The following EPHA7 variants were observed in gnomAD, a reference collection of about 807,000 sequenced individuals.
EPHA7 encodes ephrin type-A receptor 7.
A neutral mutation model predicts 112.6 loss-of-function variants in EPHA7; 25 were observed. The ratio of observed to expected loss-of-function variants is 0.22; its 90% CI spans 0.16 to 0.31. EPHA7 has a LOEUF of 0.31. EPHA7 is among the 10% of genes least tolerant of loss of function. The pLI is 1.00. For missense variants in EPHA7, 962 were observed against 1,212.6 expected (o/e 0.79, Z 3.07); for synonymous variants, 437 against 406.5 (o/e 1.07, Z -0.90).
intron 3 of EPHA7, among the ~76,000 whole-genome samples, chr6:93,383,193 G>A (rs998214390): frequency 2.0e-5 from 3 of 151,514 alleles, no homozygotes; most frequent in Non-Finnish European, 4.4e-5. Context: ...GTGTGTGTGT[G>A]TGTATATATA....
At chr6:93,321,777 G>A (rs1313907000) in intron 5 of EPHA7, among the ~76,000 whole-genome samples, 3 of 151,746 alleles carry the variant, frequency 2.0e-5, no homozygotes, top group African/African-American at 7.3e-5. Context: ...CAGTTTTACA[G>A]GAATTTGTTA....
chr6:93,340,626 C>T (rs147888029), intron 5 of EPHA7, among the ~76,000 whole-genome samples: 5 of 151,922 alleles, frequency 3.3e-5, no homozygotes, highest in African/African-American at 1.2e-4. Context: ...ATAAGGGACA[C>T]TCAACCTGTA....
chr6:93,304,965 C>T (rs1325600057), intron 5 of EPHA7, among the ~76,000 whole-genome samples: 1 of 152,044 alleles, frequency 6.6e-6, no homozygotes, highest in Non-Finnish European at 1.5e-5. Context: ...TCAACCCCTG[C>T]CTCACCACCC....
At chr6:93,418,526 C>T (rs1233331571) in intron 1 of EPHA7, among the ~76,000 whole-genome samples, 1 of 152,232 alleles carries the variant, frequency 6.6e-6, no homozygotes, top group East Asian at 1.9e-4. Flanking sequence ...ACGGCCCGAC[C>T]AAGCCCGCTG....
rs1184300105 is a variant in EPHA7 at position 93,345,916 on chromosome 6, A to G, written c.1324+10801T>C. On this transcript the variant is annotated intron_variant, in intron 5 of 16. Transcript: ENST00000369303. ...GTCTGGATCAAATTTGCTTCAATTC[A>G]TCACCAACGAAGCAAGGGATAAAAT... 2.0e-5 allele frequency among the ~76,000 whole-genome samples: 3 copies of G among 151,608 alleles called. No individual in the cohort carries two copies. In the Admixed American group the frequency reaches 2.0e-4, roughly 10 times the overall value.
intron 5 of EPHA7, among the ~76,000 whole-genome samples, chr6:93,282,024 T>A (rs192992328): frequency 6.6e-6 from 1 of 152,102 alleles, no homozygotes; most frequent in African/African-American, 2.4e-5. Context: ...TGTGCTTAAG[T>A]AAGCTTATTA....
At chr6:93,400,619 C>G (rs1778393892) in intron 3 of EPHA7, among the ~76,000 whole-genome samples, 1 of 152,034 alleles carries the variant, frequency 6.6e-6, no homozygotes, top group Non-Finnish European at 1.5e-5. Context: ...CTCACTGTGA[C>G]CTCAACCTCC....
At chr6:93,406,319 A>T (rs1778719170) in intron 3 of EPHA7, among the ~76,000 whole-genome samples, 1 of 151,792 alleles carries the variant, frequency 6.6e-6, no homozygotes, top group Admixed American at 6.6e-5. Context: ...AATTTTTTAC[A>T]AGTAGGATTA....
intron 5 of EPHA7, among the ~76,000 whole-genome samples, chr6:93,272,852 C>A (rs1396640118): frequency 6.6e-6 from 1 of 151,860 alleles, no homozygotes; most frequent in East Asian, 1.9e-4. Context: ...TATGAAATGG[C>A]TACTTTGATC....
chr6:93,305,970 A>G (rs900196318), intron 5 of EPHA7, among the ~76,000 whole-genome samples: 2 of 151,962 alleles, frequency 1.3e-5, no homozygotes, highest in African/African-American at 4.8e-5. Context: ...AATGGATATC[A>G]TAATAAAATA....
rs140408299 is a variant in EPHA7, at chr6:93,368,272, A to G, written c.833-9861T>C. The stretch of plus-strand genomic sequence containing the variant: ...TTTACAGCATGCCCAATTATCTCCT[A>G]TTTCAGAGGTGACTATAAATTCTGA... On this transcript the variant is annotated intron_variant, in intron 3 of 16. Transcript: ENST00000369303. 5.8e-4 allele frequency among the ~76,000 whole-genome samples: 88 copies of G among 152,206 alleles called. 1 individual carries two copies. The highest frequency in any genetic ancestry group is 1.9e-3 in the African/African-American group (79 of 41,540).
At chr6:93,330,680 T>C (rs1774548873) in intron 5 of EPHA7, among the ~76,000 whole-genome samples, 1 of 151,336 alleles carries the variant, frequency 6.6e-6, no homozygotes, top group Non-Finnish European at 1.5e-5. Flanking sequence ...AAAAATCTAT[T>C]GACCTGTTGA....
intron 3 of EPHA7, among the ~76,000 whole-genome samples, chr6:93,376,819 T>A (rs1025620386): frequency 1.1e-4 from 16 of 152,130 alleles, no homozygotes; most frequent in African/African-American, 3.1e-4. Context: ...AAAACATAAA[T>A]TAATTGTCTT....
chr6:93,323,497 A>G (rs181215369), intron 5 of EPHA7, among the ~76,000 whole-genome samples: 1 of 151,654 alleles, frequency 6.6e-6, no homozygotes, highest in African/African-American at 2.4e-5. Flanking sequence ...TTGTACACGT[A>G]CAAATATATA....
At chr6:93,388,817 TA>T (rs1777760290) in intron 3 of EPHA7, among the ~76,000 whole-genome samples, 1 of 152,028 alleles carries the variant, frequency 6.6e-6, no homozygotes, top group African/African-American at 2.4e-5. Context: ...CAAAGGTAAG[TA>T]AAAAAAGGAT....
intron 5 of EPHA7, among the ~76,000 whole-genome samples, chr6:93,296,479 T>TACAC (rs202196550): frequency 2.3e-4 from 33 of 145,800 alleles, no homozygotes; most frequent in Admixed American, 1.7e-3. Context: ...ATATATATAA[T>TACAC]ACACACACAC....
chr6:93,325,871 G>T (rs2127892766), intron 5 of EPHA7, among the ~76,000 whole-genome samples: 1 of 151,358 alleles, frequency 6.6e-6, no homozygotes. Flanking sequence ...AAGAAAAATG[G>T]TTATCATCAA....
chr6:93,348,268 T>C lies in EPHA7; in HGVS notation c.1324+8449A>G, dbSNP rs79867408. Among the ~76,000 whole-genome samples, 39 of 151,852 alleles carry C rather than the reference T, an allele frequency of 2.6e-4. No homozygotes were observed. In the East Asian group the frequency reaches 6.8e-3, roughly 26 times the overall value. ...TTAATTGAGAAGAGTCATGGCACAG[T>C]GATGTGCTGTAGCCTTAAAGCTGTC... On this transcript the variant is annotated intron_variant, in intron 5 of 16. Coordinates refer to ENST00000369303, the MANE Select transcript of EPHA7 (RefSeq NM_004440.4).
chr6:93,403,704 T>A (rs911739417), intron 3 of EPHA7, among the ~76,000 whole-genome samples: 1 of 149,686 alleles, frequency 6.7e-6, no homozygotes. Flanking sequence ...CCTAACAGGG[T>A]ATACGTGGTA....
Sources: allele counts gnomAD v4.1 joint callset (sites outside exome capture counted in the v4.1 genomes callset), GRCh38; gene constraint gnomAD v4.1.1; transcripts MANE v1.5; gene names NCBI Gene and HGNC (gene_info 2026-07-23, HGNC 2026-07-21).